The following DAAM2 variants were observed in gnomAD, a reference collection of about 807,000 sequenced individuals.
The protein encoded by DAAM2 is dishevelled associated activator of morphogenesis 2, also known as disheveled-associated activator of morphogenesis 2.
In DAAM2, 39 loss-of-function variants were observed where a neutral mutation model predicts 120.7. The ratio of observed to expected loss-of-function variants is 0.32; its 90% confidence interval spans 0.25 to 0.42. The LOEUF (loss-of-function observed/expected upper bound fraction) is 0.42, where lower values mean the gene tolerates loss of function less well. Ranked by LOEUF, DAAM2 falls within the 10% of genes least tolerant of loss-of-function variation. The pLI is 1.00. For synonymous variants in DAAM2, 488 were observed against 524.9 expected (o/e 0.93, Z 0.96); for missense variants, 1,283 against 1,401.7 (o/e 0.92, Z 1.35).
intron 1 of DAAM2, among the ~76,000 whole-genome samples, chr6:39,795,384 A>G (rs1761670422): frequency 6.6e-6 from 1 of 152,184 alleles, no homozygotes; most frequent in Non-Finnish European, 1.5e-5. Flanking sequence ...CAACAATGGA[A>G]AGAGTGCAGA....
intron 22 of DAAM2, among the ~76,000 whole-genome samples, chr6:39,899,225 A>G (rs1245808760): frequency 6.6e-6 from 1 of 152,166 alleles, no homozygotes; most frequent in African/African-American, 2.4e-5. Flanking sequence ...AGTGCATGGG[A>G]AAAAGAATCC....
chr6:39,800,241 C>T (rs779456427), intron 1 of DAAM2, among the ~76,000 whole-genome samples: 19 of 152,138 alleles, frequency 1.2e-4, no homozygotes, highest in Non-Finnish European at 2.5e-4. Flanking sequence ...TCTTAGGCTG[C>T]GTGACGGATG....
At chr6:39,801,179 A>G (rs1237082962) in intron 1 of DAAM2, among the ~76,000 whole-genome samples, 1 of 152,118 alleles carries the variant, frequency 6.6e-6, no homozygotes, top group African/African-American at 2.4e-5. Context: ...GGAGTTCATT[A>G]TTTTCTAGGT....
chr6:39,865,200 C>T (rs893213098), intron 5 of DAAM2, 126 bp downstream of exon 5: 23 of 660,850 alleles, frequency 3.5e-5, no homozygotes, highest in Non-Finnish European at 6.4e-5. Context: ...CCTCACCTGA[C>T]TTCACTTCCC....
At chr6:39,824,038 T>C (rs1037400730) in intron 1 of DAAM2, among the ~76,000 whole-genome samples, 18 of 152,200 alleles carry the variant, frequency 1.2e-4, no homozygotes, top group African/African-American at 3.9e-4. Flanking sequence ...TCTACCCTCT[T>C]CTGTCTTGTA....
intron 1 of DAAM2, among the ~76,000 whole-genome samples, chr6:39,837,663 C>CAAAAAAAAAAAAAAAA (rs758751293): frequency 2.7e-4 from 11 of 41,190 alleles, no homozygotes; most frequent in African/African-American, 7.8e-4. Flanking sequence ...AACTCCATCT[C>CAAAAAAAAAAAAAAAA]AAAAAAAAAA....
intron 23 of DAAM2, among the ~76,000 whole-genome samples, chr6:39,900,467 G>A (rs1766411926): frequency 6.6e-6 from 1 of 152,194 alleles, no homozygotes; most frequent in East Asian, 1.9e-4. Context: ...TTGTTGAAAG[G>A]TTATTTCCCA....
In DAAM2 at chr6:39,901,353, G is replaced by A. The variant is rs751217536; in HGVS notation, c.2863G>A (p.Asp955Asn). ...GGAGCATGACAGCAAGATGCAGCCAGACGAATTCTTTGGCATCTTTGATAC... is the reference window on the plus strand; with the variant it reads ...GGAGCATGACAGCAAGATGCAGCCAAACGAATTCTTTGGCATCTTTGATAC... ...FGEHDSKMQP[D>N]EFFGIFDTFL... is the part of the protein sequence containing the mutation. The change falls in exon 24 of 25, where the codon GAC (aspartate) becomes AAC (asparagine). Residue 955 changes from aspartate to asparagine, a missense_variant. This residue lies in a region of DAAM2 where 748 missense variants were observed against 768.6 expected (regional missense o/e 0.97). Coordinates refer to ENST00000274867, the MANE Select transcript of DAAM2 (RefSeq NM_001201427.2). This position sits in a 1 kb window ranked among gnomAD's most constrained non-coding sequence, Gnocchi z 4.5. 5 of 1,613,874 alleles carry A rather than the reference G, an allele frequency of 3.1e-6. No homozygotes were observed. The highest frequency in any genetic ancestry group is 4.2e-6 in the Non-Finnish European group (5 of 1,179,892).
At position 39,904,714 on chromosome 6, in the gene DAAM2, C is replaced by A. The variant is rs1375060672; in HGVS notation, c.*2677C>A. On this transcript the variant is annotated 3_prime_UTR_variant, in exon 25 of 25. Coordinates refer to ENST00000274867, the MANE Select transcript of DAAM2 (RefSeq NM_001201427.2). ...ACTATCTATCTCCCCCGACTTCTACCAGGGATGCCTTCACGCCAAGGCTGT... is the reference window on the plus strand; with the variant it reads ...ACTATCTATCTCCCCCGACTTCTACAAGGGATGCCTTCACGCCAAGGCTGT... 1 of 454,126 alleles carries A rather than the reference C, an allele frequency of 2.2e-6. No homozygotes were observed. Among genetic ancestry groups the A allele is most frequent in the Non-Finnish European group, 4.4e-6 (1 of 226,794 alleles). 28.1% of individuals were successfully genotyped at this position (454,126 alleles called of 1,614,324 possible). A position where few individuals can be genotyped will look rare whatever the true frequency, so the allele number is the denominator to read the frequency against.
chr6:39,831,447 C>T (rs569036721), intron 1 of DAAM2, among the ~76,000 whole-genome samples: 2 of 152,132 alleles, frequency 1.3e-5, no homozygotes, highest in East Asian at 3.9e-4. Context: ...TCCCCACAAT[C>T]TTTGAGGCAG....
At chr6:39,796,568 C>G (rs777733558) in intron 1 of DAAM2, among the ~76,000 whole-genome samples, 107 of 140,198 alleles carry the variant, frequency 7.6e-4, no homozygotes, top group Non-Finnish European at 1.4e-3. Context: ...CAAGACTTAT[C>G]AGACTATGGT....
At chr6:39,819,536 C>T (rs1045523552) in intron 1 of DAAM2, 1 of 152,140 alleles carries the variant, frequency 6.6e-6, no homozygotes, top group Non-Finnish European at 1.5e-5. Context: ...CATGAGCTGC[C>T]TGACTCCACA....
chr6:39,861,503 T>C lies in DAAM2; in HGVS notation c.258+486T>C, dbSNP rs960046967. 15 of 267,398 alleles carry C rather than the reference T, an allele frequency of 5.6e-5. No individual in the cohort carries two copies. In the Admixed American group the frequency reaches 5.9e-4, roughly 11 times the overall value. The allele number at this position is 267,398 out of a possible 1,614,324, so 16.6% of individuals were successfully genotyped here. A position where few individuals can be genotyped will look rare whatever the true frequency, so the allele number is the denominator to read the frequency against. ...TCTTCTTGCTCATTAAAAGATGCTG[T>C]TAGCCTCCTGCTATGGCCCTCCCTA... On this transcript the variant is annotated intron_variant, in intron 3 of 24. Transcript: ENST00000274867.
chr6:39,894,501 C>T (rs116793487), intron 19 of DAAM2, among the ~76,000 whole-genome samples: 3 of 150,716 alleles, frequency 2.0e-5, no homozygotes, highest in African/African-American at 7.3e-5. Context: ...AGCTTCCAAC[C>T]CCCCAGAGCC....
chr6:39,815,685 C>CACACACA (rs1762288684), intron 1 of DAAM2, among the ~76,000 whole-genome samples: 1 of 146,758 alleles, frequency 6.8e-6, no homozygotes, highest in Non-Finnish European at 1.5e-5. Context: ...CACACACACA[C>CACACACA]CGTTTACACA....
intron 7 of DAAM2, 57 bp downstream of exon 7, chr6:39,868,990 G>A: frequency 1.6e-6 from 2 of 1,212,618 alleles, no homozygotes; most frequent in Non-Finnish European, 2.4e-6. Context: ...CTGGGGTAGA[G>A]TGTGTGAGTG....
At chr6:39,793,344 G>A (rs890125688) in intron 1 of DAAM2, among the ~76,000 whole-genome samples, 9 of 148,638 alleles carry the variant, frequency 6.1e-5, no homozygotes, top group Non-Finnish European at 1.0e-4. Context: ...AAAGAGACGT[G>A]TCTGAGCTGT....
chr6:39,821,400 C>T (rs1159698655), intron 1 of DAAM2: 1 of 152,258 alleles, frequency 6.6e-6, no homozygotes, highest in Non-Finnish European at 1.5e-5. Context: ...AGCTCTGGGA[C>T]ATCAGAAGAT....
At chr6:39,893,352 TA>T (rs1269631994) in intron 19 of DAAM2, among the ~76,000 whole-genome samples, 7 of 151,930 alleles carry the variant, frequency 4.6e-5, no homozygotes, top group Non-Finnish European at 1.0e-4. Context: ...TCGTGTCTAC[TA>T]AAAAATACAA....
Sources: gnomAD v4.1 joint callset for allele counts (sites outside exome capture counted in the v4.1 genomes callset) on GRCh38, gnomAD v4.1.1 for gene constraint, gnomAD v4.1.1 regional missense constraint, Gnocchi (gnomAD v3.1) non-coding constraint, MANE v1.5 for transcripts, NCBI Gene and HGNC (gene_info 2026-07-23, HGNC 2026-07-21) for gene names.